Variants in ESR2 observed in about 807,000 individuals in gnomAD.
ESR2 encodes estrogen receptor beta.
A neutral mutation model predicts 49.6 loss-of-function variants in ESR2; 36 were observed. The ratio of observed to expected loss-of-function variants is 0.73; its 90% CI spans 0.56 to 0.96. The LOEUF is 0.96. Ranked by LOEUF, ESR2 falls within the 40% of genes least tolerant of loss-of-function variation. ESR2 has a pLI of 0.00. For synonymous variants in ESR2, 320 were observed against 266.1 expected (o/e 1.20, Z -1.97); for missense variants, 714 against 693.0 (o/e 1.03, Z -0.34).
rs548450214 is a variant in ESR2 at position 64,304,563 on chromosome 14, T to A, written c.-90-21488A>T. Among the ~76,000 whole-genome samples the A allele has an allele frequency of 3.9e-5, 6 of 152,340 alleles. No homozygotes were observed. The South Asian group carries it at 1.2e-3, about 32-fold the overall frequency. ...TAAGTTTGAATTATTTAATTTCACATACTTATTCAAAAGTAAATTAAAACC... is the reference window on the plus strand; with the variant it reads ...TAAGTTTGAATTATTTAATTTCACAAACTTATTCAAAAGTAAATTAAAACC... On this transcript the variant is annotated intron_variant, in intron 1 of 8. Transcript: ENST00000358599.
chr14:64,320,386 C>G (rs114948504), intron 1 of ESR2, among the ~76,000 whole-genome samples: 67 of 151,038 alleles, frequency 4.4e-4, no homozygotes, highest in African/African-American at 1.6e-3. Flanking sequence ...GGCAACATAG[C>G]GAGACATCCA....
At chr14:64,243,729 G>A (rs2075790452) in intron 7 of ESR2, among the ~76,000 whole-genome samples, 1 of 152,176 alleles carries the variant, frequency 6.6e-6, no homozygotes. Flanking sequence ...TTTCCCACTG[G>A]CTGGTGAGAA....
At chr14:64,287,448 ATTAAAG>A (rs2076801961) in intron 1 of ESR2, among the ~76,000 whole-genome samples, 1 of 152,258 alleles carries the variant, frequency 6.6e-6, no homozygotes, top group South Asian at 2.1e-4. Context: ...AAGGATGATA[ATTAAAG>A]TTAGAGAACT....
At position 64,253,675 on chromosome 14, in the gene ESR2, A is replaced by G. The variant is rs4462498; in HGVS notation, c.1091+3551T>C. ...CACACCTGGGTACAGACCATGGTTT[A>G]CCTCTGTGTGTATGGCAATGGCAGG... On this transcript the variant is annotated intron_variant, in intron 6 of 8. Transcript: ENST00000341099. Among the ~76,000 whole-genome samples, 1,319 of 151,062 alleles carry G rather than the reference A, an allele frequency of 8.7e-3. 5 individuals are homozygous for G. The highest frequency in any genetic ancestry group is 0.014 in the Admixed American group (216 of 15,064).
At chr14:64,300,379 C>G (rs1357423602) in intron 1 of ESR2, among the ~76,000 whole-genome samples, 1 of 152,204 alleles carries the variant, frequency 6.6e-6, no homozygotes, top group Non-Finnish European at 1.5e-5. Flanking sequence ...TCCTTCTCAT[C>G]CTACCTCTAC....
Position 64,260,684 on chromosome 14 carries a change from C to A in ESR2, c.717G>T (p.Leu239=). The stretch of plus-strand genomic sequence containing the variant: ...TTCTCTTGGCCTTGCCGGCACAGTG[C>A]AGCTGCTCGTCGGCACTTCTCTGTC... The part of the protein sequence containing the change: ...VRRQRSADEQ[L]HCAGKAKRSG... The change falls in exon 5 of 9, where the codon CTG becomes CTT. Residue 239 remains leucine (L), a synonymous_variant. Coordinates refer to ENST00000341099, the MANE Select transcript of ESR2 (RefSeq NM_001437.3). 6.4e-7 allele frequency: 1 copy of A among 1,559,060 alleles called. No individual in the cohort carries two copies. The highest frequency in any genetic ancestry group is 1.2e-5 in the South Asian group (1 of 84,832).
At chr14:64,242,446 A>AAC (rs764732577) in intron 7 of ESR2, among the ~76,000 whole-genome samples, 170 of 41,022 alleles carry the variant, frequency 4.1e-3, no homozygotes, top group African/African-American at 0.02. Flanking sequence ...CAAACAAACA[A>AAC]AAAAAATATA....
chr14:64,320,817 C>T (rs1283419610), intron 1 of ESR2, among the ~76,000 whole-genome samples: 3 of 152,040 alleles, frequency 2.0e-5, no homozygotes, highest in African/African-American at 7.2e-5. Flanking sequence ...ATCTTTTGAA[C>T]CCAGGAGGCG....
Position 64,232,911 on chromosome 14 carries a change from G to A in ESR2, c.*226C>T. 1 of 788,138 alleles carries A rather than the reference G, an allele frequency of 1.3e-6. No homozygotes were observed. Among genetic ancestry groups the A allele is most frequent in the Non-Finnish European group, 1.8e-6 (1 of 546,738 alleles). The allele number at this position is 788,138 out of a possible 1,614,324, so 48.8% of individuals were successfully genotyped here. On this transcript the variant is annotated 3_prime_UTR_variant, in exon 9 of 9. Coordinates refer to ENST00000341099, the MANE Select transcript of ESR2 (RefSeq NM_001437.3). ...GAGATCCTATGAGGCCATTGAGTGT[G>A]GAAACGCTGCATTCAAATGTGCCCT...
chr14:64,239,041 C>T (rs946619018), intron 7 of ESR2, among the ~76,000 whole-genome samples: 1 of 152,164 alleles, frequency 6.6e-6, no homozygotes, highest in Admixed American at 6.5e-5. Flanking sequence ...TAATAGAAGT[C>T]CCAGAATACT....
intron 1 of ESR2, among the ~76,000 whole-genome samples, chr14:64,313,537 A>AG (rs1195304701): frequency 1.1e-4 from 17 of 150,944 alleles, no homozygotes; most frequent in Non-Finnish European, 2.4e-4. Context: ...TGTCAAAAAA[A>AG]AAAAAAAAGA....
chr14:64,257,724 T>C (rs1348705431), intron 5 of ESR2, among the ~76,000 whole-genome samples: 2 of 151,090 alleles, frequency 1.3e-5, no homozygotes, highest in Non-Finnish European at 3.0e-5. Context: ...GACCCAATCC[T>C]TGACTGGGAT....
rs535875435 is a variant in ESR2, at chr14:64,232,391, C to T, written c.*746G>A. 6.6e-6 allele frequency: 1 copy of T among 152,474 alleles called. No individual in the cohort carries two copies. Among genetic ancestry groups the T allele is most frequent in the Admixed American group, 6.5e-5 (1 of 15,304 alleles). 9.4% of individuals were successfully genotyped at this position (152,474 alleles called of 1,614,324 possible). A position where few individuals can be genotyped will look rare whatever the true frequency, so the allele number is the denominator to read the frequency against. On this transcript the variant is annotated 3_prime_UTR_variant, in exon 9 of 9. Coordinates refer to ENST00000341099, the MANE Select transcript of ESR2 (RefSeq NM_001437.3). ...GGACAACAGGTTTAAGGAAGAGCAGCTCCAGAAGCAGCGAGATTTGTATCT... is the reference window on the plus strand; with the variant it reads ...GGACAACAGGTTTAAGGAAGAGCAGTTCCAGAAGCAGCGAGATTTGTATCT...
chr14:64,290,285 G>C (rs572819148), intron 1 of ESR2, among the ~76,000 whole-genome samples: 1 of 152,236 alleles, frequency 6.6e-6, no homozygotes, highest in African/African-American at 2.4e-5. Context: ...TGCCCAGATT[G>C]ATCTTGAACT....
At chr14:64,250,237 A>C (rs1256053) in intron 6 of ESR2, among the ~76,000 whole-genome samples, 6,866 of 152,284 alleles carry the variant, frequency 0.045, 519 homozygotes, top group East Asian at 0.37. Flanking sequence ...GAAAAAGCTG[A>C]CTATGAGAAA....
intron 5 of ESR2, 135 bp downstream of exon 5, chr14:64,260,314 G>T: frequency 1.1e-6 from 1 of 912,726 alleles, no homozygotes; most frequent in Non-Finnish European, 1.8e-6. Context: ...GCACTTAAAA[G>T]TTACAAATCC....
At chr14:64,333,407 T>C (rs574890501) in intron 1 of ESR2, among the ~76,000 whole-genome samples, 1 of 152,328 alleles carries the variant, frequency 6.6e-6, no homozygotes, top group South Asian at 2.1e-4. Flanking sequence ...TCAGGGACAC[T>C]ATCTGGGATG....
At chr14:64,243,028 A>G (rs1188378380) in intron 7 of ESR2, among the ~76,000 whole-genome samples, 1 of 152,202 alleles carries the variant, frequency 6.6e-6, no homozygotes, top group Admixed American at 6.5e-5. Flanking sequence ...ACAGCACAGT[A>G]AAGACCTGCT....
At chr14:64,314,973 G>A (rs10146464) in intron 1 of ESR2, among the ~76,000 whole-genome samples, 21,376 of 150,406 alleles carry the variant, frequency 0.14, 2,064 homozygotes, top group African/African-American at 0.27. Flanking sequence ...CTGGATGGAC[G>A]CGGTGGCTCA....
Sources: gnomAD v4.1 joint callset for allele counts (sites outside exome capture counted in the v4.1 genomes callset) on GRCh38, gnomAD v4.1.1 for gene constraint, MANE v1.5 for transcripts, NCBI Gene and HGNC (gene_info 2026-07-23, HGNC 2026-07-21) for gene names.